The following ANKDD1A variants were observed in gnomAD, a reference collection of about 807,000 sequenced individuals.
ANKDD1A encodes the protein ankyrin repeat and death domain containing 1A, also known as ankyrin repeat and death domain-containing protein 1A.
In ANKDD1A, 59 loss-of-function variants were observed where a neutral mutation model predicts 63.5. The observed-to-expected ratio is 0.93, with a 90% CI of 0.75 to 1.15. ANKDD1A has a LOEUF of 1.15. Among genes scored for constraint, ANKDD1A ranks in the 50% most tolerant of loss-of-function variants. ANKDD1A has a pLI of 0.00. For missense variants in ANKDD1A, 632 were observed against 656.4 expected, an observed-to-expected ratio of 0.96 and a Z score of 0.41; for synonymous variants, 266 against 263.9, an observed-to-expected ratio of 1.01 and a Z score of -0.08.
intron 9 of ANKDD1A, among the ~76,000 whole-genome samples, chr15:64,937,551 A>AC: frequency 6.6e-6 from 1 of 151,930 alleles, no homozygotes; most frequent in Non-Finnish European, 1.5e-5. Flanking sequence ...ACATAGTGAA[A>AC]CCCCGTCTCT....
intron 9 of ANKDD1A, 98 bp downstream of exon 9, chr15:64,934,332 G>C: frequency 8.5e-7 from 1 of 1,173,576 alleles, no homozygotes; most frequent in Non-Finnish European, 1.2e-6. Flanking sequence ...CGGATCCTTG[G>C]GGTTGGGGTG....
intron 3 of ANKDD1A, among the ~76,000 whole-genome samples, chr15:64,921,482 C>G (rs1316268573): frequency 6.6e-6 from 1 of 152,206 alleles, no homozygotes; most frequent in Non-Finnish European, 1.5e-5. Flanking sequence ...TCAAGCGATT[C>G]TCCTGCCTCA....
At chr15:64,957,015 G>A (rs2085423458) in intron 14 of ANKDD1A, 88 bp from the exon 15 acceptor site, 7 of 431,004 alleles carry the variant, frequency 1.6e-5, no homozygotes, top group Non-Finnish European at 3.2e-5. Context: ...CTAAATGTAT[G>A]CTCTTACTCT....
chr15:64,949,763 G>A (rs1268461464), intron 13 of ANKDD1A, 78 bp from the exon 14 acceptor site: 6 of 1,565,636 alleles, frequency 3.8e-6, no homozygotes, highest in Non-Finnish European at 5.2e-6. Flanking sequence ...GCGGTGCAGG[G>A]TGGCATAGAC....
chr15:64,925,999 A>C, intron 4 of ANKDD1A, 67 bp from the exon 5 acceptor site: 2 of 1,418,352 alleles, frequency 1.4e-6, no homozygotes, highest in African/African-American at 1.4e-5. Flanking sequence ...GCTGTTTGGG[A>C]GACTGGCAGT....
rs748681380 is a variant in ANKDD1A, at chr15:64,926,190, A to C, written c.471+20A>C. ...GACAAGGTGAGAGTGCCTCAGGGCT[A>C]CTCATCATTCCCATTGGGCGGGGGG... On this transcript the variant is annotated intron_variant, in intron 5 of 14. Coordinates refer to ENST00000319580, the MANE Select transcript of ANKDD1A (RefSeq NM_182703.6). 3 of 1,610,706 alleles carry C rather than the reference A, an allele frequency of 1.9e-6. No homozygotes were observed. The African/African-American group carries it at 4.0e-5, about 22-fold the overall frequency.
chr15:64,954,021 C>G (rs2085369968), intron 14 of ANKDD1A, among the ~76,000 whole-genome samples: 1 of 118,924 alleles, frequency 8.4e-6, no homozygotes, highest in African/African-American at 3.3e-5. Flanking sequence ...CTTCTTTCCT[C>G]TTCTTTTCTT....
In ANKDD1A at chr15:64,922,034, G is replaced by A. The variant is rs753865851; in HGVS notation, c.366+15G>A. 1 of 1,611,834 alleles carries A rather than the reference G, an allele frequency of 6.2e-7. No homozygotes were observed. Among genetic ancestry groups the A allele is most frequent in the African/African-American group, 1.3e-5 (1 of 74,854 alleles). ...GTGAGAGCAAGGTAAGGCCTCAGCT[G>A]GTAGACCCCTGTCCCCTCGGCTCCC... On this transcript the variant is annotated intron_variant, in intron 4 of 14. Coordinates refer to ENST00000319580, the MANE Select transcript of ANKDD1A (RefSeq NM_182703.6).
At chr15:64,917,052 T>C (rs571779038) in intron 2 of ANKDD1A, among the ~76,000 whole-genome samples, 1 of 152,334 alleles carries the variant, frequency 6.6e-6, no homozygotes, top group South Asian at 2.1e-4. Flanking sequence ...GGTGGGAAGC[T>C]GCTTGGTATT....
intron 6 of ANKDD1A, 57 bp from the exon 7 acceptor site, chr15:64,930,765 T>C: frequency 1.3e-6 from 2 of 1,521,542 alleles, no homozygotes; most frequent in Non-Finnish European, 9.0e-7. Context: ...TCATCACAGG[T>C]CTGTGATTCT....
In ANKDD1A at chr15:64,934,193, G is replaced by A. The variant is rs1567113171; in HGVS notation, c.826G>A (p.Val276Ile). The change falls in exon 9 of 15, where the codon GTC (valine) becomes ATC (isoleucine). Residue 276 changes from valine to isoleucine, a missense_variant. Val to Ile is a conservative substitution (Grantham distance 29, BLOSUM62 3). Transcript: ENST00000319580. ...ALSGSEDVSR[V>I]LIHAGGCANV... ...CAGTGGCTCGGAGGATGTGTCTCGG[G>A]TCCTCATCCACGCAGGAGGCTGCGC... is the stretch of plus-strand genomic sequence containing the variant. 2 of 1,612,494 alleles carry A rather than the reference G, an allele frequency of 1.2e-6. No individual in the cohort carries two copies. The highest frequency in any genetic ancestry group is 1.7e-6 in the Non-Finnish European group (2 of 1,179,276).
chr15:64,926,842 A>T, intron 5 of ANKDD1A, 59 bp from the exon 6 acceptor site: 1 of 1,580,974 alleles, frequency 6.3e-7, no homozygotes, highest in Non-Finnish European at 8.7e-7. Context: ...AGGTGGGCAG[A>T]GGCAGGTATG....
At chr15:64,927,403 C>T (rs1323834424) in intron 6 of ANKDD1A, among the ~76,000 whole-genome samples, 1 of 152,098 alleles carries the variant, frequency 6.6e-6, no homozygotes, top group Non-Finnish European at 1.5e-5. Context: ...GGGGTGGTAG[C>T]CACACATCTG....
chr15:64,951,365 T>A, intron 14 of ANKDD1A: 1 of 476,142 alleles, frequency 2.1e-6, no homozygotes, highest in Non-Finnish European at 2.6e-6. Context: ...TTCTTCTTCC[T>A]CTTTCTTCTT....
In ANKDD1A at chr15:64,941,280, C is replaced by A. The variant is rs28661274; in HGVS notation, c.868-1187C>A. ...TGACTTTATTCTACTAGGATTTTTG[C>A]GGGGGAGCGGTGTCCTAGTCCATTT... is the stretch of plus-strand genomic sequence containing the variant. On this transcript the variant is annotated intron_variant, in intron 9 of 14. Coordinates refer to ENST00000319580, the MANE Select transcript of ANKDD1A (RefSeq NM_182703.6). Among the ~76,000 whole-genome samples the A allele has an allele frequency of 6.7e-3, 1,016 of 152,134 alleles. 10 individuals carry two copies. Among genetic ancestry groups the A allele is most frequent in the African/African-American group, 0.023 (937 of 41,450 alleles).
chr15:64,953,522 T>TTTTTCTCCTC (rs2085343621), intron 14 of ANKDD1A, among the ~76,000 whole-genome samples: 1 of 131,140 alleles, frequency 7.6e-6, no homozygotes, highest in Admixed American at 7.5e-5. Context: ...CTTCTCCTTC[T>TTTTTCTCCTC]TCCTTCTTCT....
At chr15:64,915,557 T>C (rs546352298) in intron 1 of ANKDD1A, among the ~76,000 whole-genome samples, 4 of 152,238 alleles carry the variant, frequency 2.6e-5, no homozygotes, top group African/African-American at 9.6e-5. Flanking sequence ...TGCTCTTCCA[T>C]CTTCAGGGTT....
chr15:64,954,535 CT>C (rs2085389692), intron 14 of ANKDD1A, among the ~76,000 whole-genome samples: 8 of 19,140 alleles, frequency 4.2e-4, no homozygotes, highest in Non-Finnish European at 9.5e-4. Flanking sequence ...CTTCTTCCTC[CT>C]TCTCCTTCTT....
At chr15:64,953,118 TCTA>T (rs200094376) in intron 14 of ANKDD1A, among the ~76,000 whole-genome samples, 1,505 of 145,500 alleles carry the variant, frequency 0.01, 48 homozygotes, top group African/African-American at 0.037. Context: ...TCTTCCGCTT[TCTA>T]CTTTCTTCTT....
Sources: gnomAD v4.1 joint callset for allele counts (sites outside exome capture counted in the v4.1 genomes callset) on GRCh38, gnomAD v4.1.1 for gene constraint, MANE v1.5 for transcripts, NCBI Gene and HGNC (gene_info 2026-07-23, HGNC 2026-07-21) for gene names.